Variants in PLEKHD1 observed in about 807,000 individuals in gnomAD.
PLEKHD1 encodes pleckstrin homology and coiled-coil domain containing D1.
In PLEKHD1, 51 loss-of-function variants were observed where a neutral mutation model predicts 69.2. That is an observed-to-expected ratio of 0.74 (90% CI 0.59 to 0.93). The LOEUF is 0.93. Ranked by LOEUF, PLEKHD1 falls within the 40% of genes least tolerant of loss-of-function variation. The pLI, the probability that PLEKHD1 is intolerant of heterozygous loss-of-function variation, is 0.00. For synonymous variants in PLEKHD1, 236 were observed against 244.7 expected (o/e 0.96, Z 0.33); for missense variants, 584 against 641.0 (o/e 0.91, Z 0.96).
At chr14:69,524,570 C>A (rs1883596984) in intron 8 of PLEKHD1, among the ~76,000 whole-genome samples, 1 of 152,120 alleles carries the variant, frequency 6.6e-6, no homozygotes, top group African/African-American at 2.4e-5. Flanking sequence ...TTGCTATTAC[C>A]ATGGCCTCAG....
upstream of PLEKHD1, chr14:69,484,699 C>T (rs1159513009): frequency 5.2e-6 from 2 of 381,360 alleles, no homozygotes; most frequent in East Asian, 4.3e-5. Context: ...GGAGATGCTG[C>T]CGGCCCGAGG....
rs926069106 is a variant in PLEKHD1 at position 69,510,528 on chromosome 14, GA to G, written c.555+7659del. Among the ~76,000 whole-genome samples the G allele has an allele frequency of 1.1e-4, 16 of 148,178 alleles. No individual in the cohort carries two copies. The East Asian group carries it at 1.4e-3, about 13-fold the overall frequency. Reference sequence around the variant, plus strand: ...ACAGAGCAAGACCCTATCTTCAAAAGAAAAAAAAAATCTCAAATTCCACCTT... The same window carrying G: ...ACAGAGCAAGACCCTATCTTCAAAAGAAAAAAAAATCTCAAATTCCACCTT... On this transcript the variant is annotated intron_variant, in intron 6 of 12. Transcript: ENST00000322564.
At chr14:69,521,749 C>T (rs557917271) in intron 6 of PLEKHD1, among the ~76,000 whole-genome samples, 37 of 152,116 alleles carry the variant, frequency 2.4e-4, no homozygotes, top group Non-Finnish European at 4.4e-4. Context: ...ACTTTGGGGC[C>T]GGAGCAGAGG....
At position 69,484,757 on chromosome 14, in the gene PLEKHD1, G is replaced by A; in HGVS notation, c.-209G>A. 1 of 562,820 alleles carries A rather than the reference G, an allele frequency of 1.8e-6. No individual in the cohort carries two copies. Among genetic ancestry groups the A allele is most frequent in the Non-Finnish European group, 3.0e-6 (1 of 328,824 alleles). 34.9% of individuals were successfully genotyped at this position (562,820 alleles called of 1,614,324 possible). A position where few individuals can be genotyped will look rare whatever the true frequency, so the allele number is the denominator to read the frequency against. ...TTCCCGCCCGGCCCTCTGCAATCCG[G>A]AGCCCAAGCCGCCGGCTACGCGCCC... On this transcript the variant is annotated 5_prime_UTR_variant, in exon 1 of 13. Coordinates refer to ENST00000322564, the MANE Select transcript of PLEKHD1 (RefSeq NM_001161498.2).
At chr14:69,476,392 A>G in the PLEKHD1 span, among the ~76,000 whole-genome samples, 1,208 of 150,450 alleles carry the variant, frequency 8.0e-3, 16 homozygotes, top group Middle Eastern at 0.062. Context: ...CCTAGGCCCT[A>G]TTTCAAAAAA....
At chr14:69,502,989 A>C in intron 6 of PLEKHD1, 110 bp downstream of exon 6, 2 of 1,360,656 alleles carry the variant, frequency 1.5e-6, no homozygotes, top group African/African-American at 1.4e-5. Context: ...CTAGAAGATC[A>C]GATGGGGCAG....
chr14:69,499,181 T>G (rs768596569), intron 1 of PLEKHD1, among the ~76,000 whole-genome samples: 26 of 151,570 alleles, frequency 1.7e-4, no homozygotes, highest in Admixed American at 3.3e-4. Context: ...CCATCTGAGC[T>G]GGCTCCAACT....
chr14:69,521,983 A>C (rs574552345), intron 6 of PLEKHD1, among the ~76,000 whole-genome samples: 1 of 152,152 alleles, frequency 6.6e-6, no homozygotes, highest in African/African-American at 2.4e-5. Context: ...TGCAGAGTAG[A>C]TATTTAGAAT....
the PLEKHD1 span, among the ~76,000 whole-genome samples, chr14:69,469,584 A>T: frequency 6.6e-6 from 1 of 151,710 alleles, no homozygotes; most frequent in African/African-American, 2.4e-5. Context: ...TAATTTTTTA[A>T]TTTTTTTGTG....
At position 69,500,139 on chromosome 14, in the gene PLEKHD1, T is replaced by C. The variant is rs1326490586; in HGVS notation, c.174T>C (p.Phe58=). The C allele has an allele frequency of 1.3e-6, 2 of 1,550,116 alleles. No individual in the cohort carries two copies. The highest frequency in any genetic ancestry group is 8.7e-7 in the Non-Finnish European group (1 of 1,145,706). The change falls in exon 2 of 13, where the codon TTT becomes TTC. Residue 58 remains phenylalanine, a synonymous_variant. Transcript: ENST00000322564. The stretch of plus-strand genomic sequence containing the variant: ...GGTTTTTCATCATCAAAGAGAGCTT[T>C]CTGCTTTACTACTCTGAGAGCGAAA... ...SRRFFIIKES[F]LLYYSESEKK...
At chr14:69,488,111 G>A (rs1882694861) in intron 1 of PLEKHD1, among the ~76,000 whole-genome samples, 1 of 152,132 alleles carries the variant, frequency 6.6e-6, no homozygotes, top group Admixed American at 6.5e-5. Flanking sequence ...GCAGAGCATC[G>A]GTGGGTCCCT....
At chr14:69,485,688 G>A (rs538864176) in intron 1 of PLEKHD1, among the ~76,000 whole-genome samples, 1 of 152,326 alleles carries the variant, frequency 6.6e-6, no homozygotes, top group Admixed American at 6.5e-5. Context: ...ACTGTCCCTT[G>A]AAATAATTTT....
chr14:69,492,891 TC>T (rs145476816), intron 1 of PLEKHD1, among the ~76,000 whole-genome samples: 7,054 of 152,220 alleles, frequency 0.046, 243 homozygotes, highest in Middle Eastern at 0.13. Context: ...TACCTCAGCC[TC>T]CCAAGTAGCT....
At chr14:69,520,122 G>A (rs1420044485) in intron 6 of PLEKHD1, among the ~76,000 whole-genome samples, 4 of 137,968 alleles carry the variant, frequency 2.9e-5, no homozygotes, top group Admixed American at 2.3e-4. Context: ...AACTGAGATC[G>A]TGCCACTGCA....
At chr14:69,479,115 G>A in the PLEKHD1 span, among the ~76,000 whole-genome samples, 1 of 152,178 alleles carries the variant, frequency 6.6e-6, no homozygotes, top group Admixed American at 6.5e-5. Context: ...TGTCTCACGT[G>A]GTGACAGATG....
intron 11 of PLEKHD1, 120 bp downstream of exon 11, chr14:69,527,452 A>G: frequency 7.2e-7 from 1 of 1,388,954 alleles, no homozygotes; most frequent in Non-Finnish European, 9.8e-7. Flanking sequence ...CTCCCTGGAT[A>G]TTGAAGGGTT....
intron 6 of PLEKHD1, chr14:69,503,817 T>C (rs1207668311): frequency 1.3e-5 from 2 of 148,718 alleles, no homozygotes; most frequent in Non-Finnish European, 2.9e-5. Context: ...TGAGCTGAGA[T>C]TGTGCCATTG....
the PLEKHD1 span, among the ~76,000 whole-genome samples, chr14:69,476,060 C>A: frequency 6.6e-6 from 1 of 152,056 alleles, no homozygotes; most frequent in Non-Finnish European, 1.5e-5. Flanking sequence ...GAGTTCGAGA[C>A]CAGCCTGGCC....
the PLEKHD1 span, among the ~76,000 whole-genome samples, chr14:69,476,896 C>A: frequency 6.6e-6 from 1 of 152,152 alleles, no homozygotes; most frequent in Non-Finnish European, 1.5e-5. Flanking sequence ...CAGTTCCATG[C>A]GGCTGGGGAA....
Sources: allele counts gnomAD v4.1 joint callset (sites outside exome capture counted in the v4.1 genomes callset), GRCh38; gene constraint gnomAD v4.1.1; transcripts MANE v1.5; gene names NCBI Gene and HGNC (gene_info 2026-07-23, HGNC 2026-07-21).